The following TPM2 variants were observed in gnomAD, a reference collection of about 807,000 sequenced individuals.
The protein encoded by TPM2 is tropomyosin 2.
Under a neutral mutation model 41.0 loss-of-function variants are expected in TPM2, and 26 were observed. The observed-to-expected ratio is 0.63, with a 90% CI of 0.46 to 0.88. The LOEUF (loss-of-function observed/expected upper bound fraction) is 0.88, where lower values mean the gene tolerates loss of function less well. TPM2 is among the 40% of genes least tolerant of loss of function. The pLI is 0.00. For missense variants in TPM2, 187 were observed against 355.2 expected (o/e 0.53, Z 3.81); for synonymous variants, 143 against 139.3 (o/e 1.03, Z -0.19).
intron 8 of TPM2, 29 bp from the exon 9 acceptor site, chr9:35,683,270 T>A: frequency 6.5e-7 from 1 of 1,540,504 alleles, no homozygotes. Flanking sequence ...GGGGACCAGG[T>A]GGGAGTGTGG....
At chr9:35,682,613 C>T (rs551943510), downstream of TPM2, 29 of 1,296,026 alleles carry the variant, frequency 2.2e-5, no homozygotes, top group South Asian at 3.1e-4. Context: ...TGCCCCTGTC[C>T]TGCACCTCAC....
chr9:35,686,308 G>T, intron 2 of TPM2: 1 of 248,564 alleles, frequency 4.0e-6, no homozygotes, highest in Non-Finnish European at 7.9e-6. Flanking sequence ...CCCTGCTGCA[G>T]GGCCTCTCCT....
Position 35,683,003 on chromosome 9 carries a change from G to T in TPM2, c.*156C>A. 6 of 1,540,676 alleles carry T rather than the reference G, an allele frequency of 3.9e-6. No homozygotes were observed. Among genetic ancestry groups the T allele is most frequent in the Non-Finnish European group, 5.3e-6 (6 of 1,140,970 alleles). On this transcript the variant is annotated 3_prime_UTR_variant, in exon 9 of 9. Coordinates refer to ENST00000645482, the MANE Select transcript of TPM2 (RefSeq NM_003289.4). ...GGTAAAGGATGAAGCCAGTGCCAGA[G>T]TGGGTGGTGGGCATGATGGGGGCTC...
intron 2 of TPM2, among the ~76,000 whole-genome samples, chr9:35,686,678 T>C (rs1462029885): frequency 1.4e-5 from 2 of 145,814 alleles, no homozygotes; most frequent in Non-Finnish European, 3.0e-5. Flanking sequence ...AGTGATGTCA[T>C]CTGTCATCAG....
chr9:35,684,057 C>A (rs1824729468), intron 8 of TPM2, 189 bp downstream of exon 8: 3 of 638,498 alleles, frequency 4.7e-6, no homozygotes. Context: ...TTGAGAAGCA[C>A]TGGAGTTGTT....
Position 35,689,150 on chromosome 9 carries a change from G to C in TPM2, c.236C>G (p.Thr79Ser). 1 of 1,614,150 alleles carries C rather than the reference G, an allele frequency of 6.2e-7. No individual in the cohort carries two copies. Among genetic ancestry groups the C allele is most frequent in the South Asian group, 1.1e-5 (1 of 91,082 alleles). ...GTCCCCCAAGTCCACACTCACATCA[G>C]TGGCCTTCTTCTCGGCCTGCTCCAG... ...EKLEQAEKKA[T>S]DAEADVASLN... The change falls in exon 2 of 9, where the codon ACT becomes AGT. Residue 79 changes from threonine to serine, a missense_variant. Physicochemically the swap from Thr to Ser is moderately conservative, Grantham distance 58. Coordinates refer to ENST00000645482, the MANE Select transcript of TPM2 (RefSeq NM_003289.4).
chr9:35,684,080 G>A, intron 8 of TPM2, 166 bp downstream of exon 8: 3 of 701,292 alleles, frequency 4.3e-6, no homozygotes, highest in Non-Finnish European at 7.8e-6. Context: ...GCCGTGGGCA[G>A]CTACAATTAC....
chr9:35,683,324 T>C (rs1343956954), intron 8 of TPM2, 83 bp from the exon 9 acceptor site: 4 of 1,348,108 alleles, frequency 3.0e-6, no homozygotes. Flanking sequence ...GAGAGAGCAA[T>C]GGAAAGAAAA....
At chr9:35,682,245 A>G, downstream of TPM2, 1 of 1,443,772 alleles carries the variant, frequency 6.9e-7, no homozygotes, top group Non-Finnish European at 9.7e-7. Flanking sequence ...AAGGTGACAT[A>G]TAGACATGGA....
In TPM2 at chr9:35,685,351, G is replaced by A. The variant is rs1362858415; in HGVS notation, c.493-12C>T. The A allele has an allele frequency of 1.2e-6, 2 of 1,613,506 alleles. No individual in the cohort carries two copies. Among genetic ancestry groups the A allele is most frequent in the Admixed American group, 1.7e-5 (1 of 59,986 alleles). On this transcript the variant is annotated splice_polypyrimidine_tract_variant and intron_variant, in intron 4 of 8. Coordinates refer to ENST00000645482, the MANE Select transcript of TPM2 (RefSeq NM_003289.4). The surrounding 1 kb of genome is among the most constrained non-coding windows in gnomAD (Gnocchi z 5.0). ...AGCTTCCTGGCCACCTGTGGGGAGT[G>A]AGAAAGAGAGGGTAGATCAGTGGAG...
At chr9:35,684,668 C>G in intron 6 of TPM2, 64 bp downstream of exon 6, 1 of 1,613,754 alleles carries the variant, frequency 6.2e-7, no homozygotes, top group South Asian at 1.1e-5. Flanking sequence ...CCCTCCCTGC[C>G]TTGGGCCCCT....
rs901801098 is a variant in TPM2, at chr9:35,689,416, TACTGGTGGG to T, written c.115-154_115-146del. ...ATAAAAGGGACAGTACAGTCAAGGGTACTGGTGGGACCCGTTGAGGGTACAGAGAAAACT... is the reference window on the plus strand; with the variant it reads ...ATAAAAGGGACAGTACAGTCAAGGGTACCCGTTGAGGGTACAGAGAAAACT... On this transcript the variant is annotated intron_variant, in intron 1 of 8. Coordinates refer to ENST00000645482, the MANE Select transcript of TPM2 (RefSeq NM_003289.4). The T allele has an allele frequency of 3.0e-5, 44 of 1,464,706 alleles. No homozygotes were observed. The African/African-American group carries it at 5.9e-4, about 20-fold the overall frequency. The allele number at this position is 1,464,706 out of a possible 1,614,324, so 90.7% of individuals were successfully genotyped here.
chr9:35,683,017 T>A lies in TPM2; in HGVS notation c.*142A>T. 8 of 1,543,994 alleles carry A rather than the reference T, an allele frequency of 5.2e-6. No homozygotes were observed. The highest frequency in any genetic ancestry group is 6.1e-6 in the Non-Finnish European group (7 of 1,142,782). On this transcript the variant is annotated 3_prime_UTR_variant, in exon 9 of 9. Transcript: ENST00000645482. ...CCAGTGCCAGAGTGGGTGGTGGGCA[T>A]GATGGGGGCTCTCCCTAGGCTGCTC... is the stretch of plus-strand genomic sequence containing the variant.
chr9:35,684,154 G>C, intron 8 of TPM2, 92 bp downstream of exon 8: 1 of 1,377,954 alleles, frequency 7.3e-7, no homozygotes, highest in African/African-American at 1.4e-5. Context: ...CCCAACCCTA[G>C]TTTATTGGTG....
chr9:35,685,931 T>C lies in TPM2; in HGVS notation c.241-151A>G. 1 of 1,362,144 alleles carries C rather than the reference T, an allele frequency of 7.3e-7. No individual in the cohort carries two copies. Among genetic ancestry groups the C allele is most frequent in the Non-Finnish European group, 1.0e-6 (1 of 983,836 alleles). 84.4% of individuals were successfully genotyped at this position (1,362,144 alleles called of 1,614,324 possible). On this transcript the variant is annotated intron_variant, in intron 2 of 8. Coordinates refer to ENST00000645482, the MANE Select transcript of TPM2 (RefSeq NM_003289.4). This position sits in a 1 kb window ranked among gnomAD's most constrained non-coding sequence, Gnocchi z 5.0. Reference sequence around the variant, plus strand: ...GTGATTTTTCCCCAACCAATCATCTTCTGCCCAGACTGTGCTCCAGTAAAA... The same window carrying C: ...GTGATTTTTCCCCAACCAATCATCTCCTGCCCAGACTGTGCTCCAGTAAAA...
At chr9:35,689,651 C>T (rs1825141292) in intron 1 of TPM2, 53 bp downstream of exon 1, 2 of 1,605,318 alleles carry the variant, frequency 1.2e-6, no homozygotes, top group East Asian at 2.2e-5. Flanking sequence ...TGGCAGCGGC[C>T]CACCCTTGCC....
chr9:35,683,361 A>C, intron 8 of TPM2, 120 bp from the exon 9 acceptor site: 1 of 1,009,858 alleles, frequency 9.9e-7, no homozygotes, highest in Non-Finnish European at 1.5e-6. Context: ...ACAAAGACAG[A>C]GTGAGAGAGG....
At chr9:35,690,053 C>G, upstream of TPM2, 2 of 1,344,766 alleles carry the variant, frequency 1.5e-6, no homozygotes, top group South Asian at 3.1e-5. Flanking sequence ...GGGGGTGCGG[C>G]CGCCCCCTTC....
rs747936701 is a variant in TPM2 at position 35,683,113 on chromosome 9, AAGGAG to A, written c.*41_*45del. The A allele has an allele frequency of 4.5e-6, 7 of 1,551,678 alleles. No individual in the cohort carries two copies. The highest frequency in any genetic ancestry group is 5.2e-6 in the Non-Finnish European group (6 of 1,147,012). On this transcript the variant is annotated 3_prime_UTR_variant, in exon 9 of 9. Coordinates refer to ENST00000645482, the MANE Select transcript of TPM2 (RefSeq NM_003289.4). The stretch of plus-strand genomic sequence containing the variant: ...CTCCCCTCCCCATAGAGAGAATGGA[AAGGAG>A]AGGAGAGAAGAGAGCTGAGGTGGCC...
Sources: gnomAD v4.1 joint callset for allele counts (sites outside exome capture counted in the v4.1 genomes callset) on GRCh38, gnomAD v4.1.1 for gene constraint, Gnocchi (gnomAD v3.1) non-coding constraint, MANE v1.5 for transcripts, NCBI Gene and HGNC (gene_info 2026-07-23, HGNC 2026-07-21) for gene names.